DIAPH1: variants seen among roughly 807,000 people sequenced by gnomAD.
DIAPH1 encodes the protein protein diaphanous homolog 1.
DIAPH1 carries 46 observed loss-of-function variants against 140.7 expected under a neutral mutation model. The observed-to-expected ratio is 0.33, with a 90% CI of 0.26 to 0.42. The LOEUF (loss-of-function observed/expected upper bound fraction) is 0.42, where lower values mean the gene tolerates loss of function less well. Ranked by LOEUF, DIAPH1 falls within the 10% of genes least tolerant of loss-of-function variation. The pLI is 1.00. For missense variants in DIAPH1, 1,310 were observed against 1,558.7 expected, an observed-to-expected ratio of 0.84 and a Z score of 2.69; for synonymous variants, 565 against 551.6, an observed-to-expected ratio of 1.02 and a Z score of -0.34.
At chr5:141,608,472 T>C (rs1314236764) in intron 1 of DIAPH1, among the ~76,000 whole-genome samples, 3 of 152,224 alleles carry the variant, frequency 2.0e-5, no homozygotes, top group Non-Finnish European at 4.4e-5. Flanking sequence ...ATCACAGCCT[T>C]AGAGCTTTTT....
At chr5:141,589,639 TG>T (rs1224233058) in intron 1 of DIAPH1, among the ~76,000 whole-genome samples, 2 of 4,966 alleles carry the variant, frequency 4.0e-4, no homozygotes, top group Non-Finnish European at 7.2e-4. Flanking sequence ...AGTGGTTACT[TG>T]GGGTGGGTGG....
At chr5:141,601,508 T>G (rs2099900134) in intron 1 of DIAPH1, among the ~76,000 whole-genome samples, 1 of 152,116 alleles carries the variant, frequency 6.6e-6, no homozygotes, top group Admixed American at 6.5e-5. Flanking sequence ...CAGGCTGATT[T>G]TGAATTCCTG....
chr5:141,604,887 G>A (rs62380760), intron 1 of DIAPH1, among the ~76,000 whole-genome samples: 8,865 of 152,152 alleles, frequency 0.058, 339 homozygotes, highest in Non-Finnish European at 0.087. Context: ...TTAGGGAGGA[G>A]GGGAGATGAG....
chr5:141,590,744 A>AG (rs2099898267), intron 1 of DIAPH1, among the ~76,000 whole-genome samples: 1 of 151,240 alleles, frequency 6.6e-6, no homozygotes, highest in Admixed American at 6.6e-5. Context: ...TTAAGTTTAA[A>AG]AAAAAAAAAA....
chr5:141,531,252 C>A (rs1224657654), intron 19 of DIAPH1, among the ~76,000 whole-genome samples: 2 of 152,136 alleles, frequency 1.3e-5, no homozygotes, highest in African/African-American at 2.4e-5. Flanking sequence ...CCTCAAAGCA[C>A]CTTCTCCTTT....
chr5:141,529,366 C>T, intron 20 of DIAPH1, 93 bp from the exon 21 acceptor site: 1 of 1,077,386 alleles, frequency 9.3e-7, no homozygotes, highest in Non-Finnish European at 1.4e-6. Flanking sequence ...CCACACTCTG[C>T]TCAAGGACCA....
rs182972134 is a variant in DIAPH1 at position 141,610,345 on chromosome 5, G to A, written c.117+8453C>T. ...TTGAGACAGTCTCACTCTGTCGCCA[G>A]GCTGGAGTGCAGTGGCACAACCTCG... On this transcript the variant is annotated intron_variant, in intron 1 of 27. Coordinates refer to ENST00000389054, the MANE Select transcript of DIAPH1 (RefSeq NM_005219.5). Among the ~76,000 whole-genome samples the A allele has an allele frequency of 7.5e-3, 1,146 of 151,858 alleles. 18 individuals are homozygous for A. Among genetic ancestry groups the A allele is most frequent in the African/African-American group, 0.026 (1,089 of 41,364 alleles).
At chr5:141,549,677 T>G (rs1252513472) in intron 18 of DIAPH1, among the ~76,000 whole-genome samples, 1 of 152,116 alleles carries the variant, frequency 6.6e-6, no homozygotes. Context: ...TAATTCAAAG[T>G]ACTAAGCTAT....
At chr5:141,617,313 G>C (rs1406543178) in intron 1 of DIAPH1, among the ~76,000 whole-genome samples, 1 of 152,108 alleles carries the variant, frequency 6.6e-6, no homozygotes, top group African/African-American at 2.4e-5. Context: ...GGGAAAAAAA[G>C]ATGTTCACCA....
intron 18 of DIAPH1, chr5:141,536,019 G>A: frequency 2.1e-6 from 1 of 469,184 alleles, no homozygotes; most frequent in Non-Finnish European, 4.4e-6. Context: ...TTCACTCTTG[G>A]CTGGGCACAG....
At chr5:141,590,223 C>T (rs556920922) in intron 1 of DIAPH1, among the ~76,000 whole-genome samples, 89 of 152,252 alleles carry the variant, frequency 5.8e-4, no homozygotes, top group Non-Finnish European at 1.0e-3. Flanking sequence ...ATACTTTGTC[C>T]ATTTTTCACC....
intron 18 of DIAPH1, chr5:141,560,984 A>AG (rs961305599): frequency 2.2e-6 from 1 of 453,044 alleles, no homozygotes; most frequent in Non-Finnish European, 4.4e-6. Flanking sequence ...TCTGTTACTG[A>AG]AAGTCACCTG....
At chr5:141,529,817 C>T in intron 19 of DIAPH1, 120 bp from the exon 20 acceptor site, 1 of 848,924 alleles carries the variant, frequency 1.2e-6, no homozygotes. Flanking sequence ...GGCACAGTGG[C>T]TCATGCCTGT....
At chr5:141,590,705 A>G (rs1380788515) in intron 1 of DIAPH1, among the ~76,000 whole-genome samples, 1 of 151,816 alleles carries the variant, frequency 6.6e-6, no homozygotes, top group South Asian at 2.1e-4. Context: ...TAAAGAATTA[A>G]TGGCAGCTGA....
Position 141,578,260 on chromosome 5 carries a change from C to T in DIAPH1, c.1128G>A (p.Leu376=). The T allele has an allele frequency of 6.2e-7, 1 of 1,614,108 alleles. No homozygotes were observed. The change falls in exon 11 of 28, where the codon CTG becomes CTA. Residue 376 remains leucine, a synonymous_variant. Coordinates refer to ENST00000389054, the MANE Select transcript of DIAPH1 (RefSeq NM_005219.5). The part of the protein sequence containing the change: ...DEQGEEDSYD[L]KGRLDDIRME... ...TGCGAATGTCATCCAGCCGTCCCTTCAGGTCATAGGAATCCTCTTCCCCTT... is the reference window on the plus strand; with the variant it reads ...TGCGAATGTCATCCAGCCGTCCCTTTAGGTCATAGGAATCCTCTTCCCCTT...
chr5:141,529,323 C>G (rs565241349), intron 20 of DIAPH1, 50 bp from the exon 21 acceptor site: 1 of 1,426,252 alleles, frequency 7.0e-7, no homozygotes, highest in East Asian at 2.3e-5. Context: ...GCTAACAACT[C>G]AAGCCTAAAC....
At chr5:141,535,664 G>A (rs2099888894) in intron 18 of DIAPH1, among the ~76,000 whole-genome samples, 1 of 152,196 alleles carries the variant, frequency 6.6e-6, no homozygotes, top group Non-Finnish European at 1.5e-5. Context: ...AATGGTTGAT[G>A]CTGGCTATCC....
chr5:141,550,027 T>C (rs957887350), intron 18 of DIAPH1, among the ~76,000 whole-genome samples: 5 of 152,090 alleles, frequency 3.3e-5, no homozygotes, highest in African/African-American at 1.2e-4. Context: ...AAAGTACAGC[T>C]ATACCAGGCA....
At chr5:141,544,236 G>A (rs2099890443) in intron 18 of DIAPH1, among the ~76,000 whole-genome samples, 2 of 152,112 alleles carry the variant, frequency 1.3e-5, no homozygotes, top group Non-Finnish European at 1.5e-5. Flanking sequence ...TGTGAAACTG[G>A]GAAGTGGAGC....
Sources: gnomAD v4.1 joint callset for allele counts (sites outside exome capture counted in the v4.1 genomes callset) on GRCh38, gnomAD v4.1.1 for gene constraint, MANE v1.5 for transcripts, NCBI Gene and HGNC (gene_info 2026-07-23, HGNC 2026-07-21) for gene names.